Variants in SPAG17 observed in about 807,000 individuals in gnomAD.
SPAG17 encodes the protein sperm-associated antigen 17.
In SPAG17, 169 loss-of-function variants were observed where a neutral mutation model predicts 273.6. The observed-to-expected ratio is 0.62, with a 90% CI of 0.55 to 0.70. The LOEUF is 0.70. SPAG17 is among the 30% of genes least tolerant of loss of function. The pLI is 0.00. For synonymous variants in SPAG17, 825 were observed against 873.2 expected, an observed-to-expected ratio of 0.94 and a Z score of 0.97; for missense variants, 2,557 against 2,627.8, an observed-to-expected ratio of 0.97 and a Z score of 0.59.
chr1:118,151,111 A>G (rs1659352755), intron 2 of SPAG17, 118 bp downstream of exon 2: 3 of 836,904 alleles, frequency 3.6e-6, no homozygotes, highest in Non-Finnish European at 4.9e-6. Context: ...GTTACTTAAA[A>G]TAATCCATCA....
intron 7 of SPAG17, among the ~76,000 whole-genome samples, chr1:118,095,779 A>G (rs1312233890): frequency 6.6e-6 from 1 of 152,152 alleles, no homozygotes; most frequent in Non-Finnish European, 1.5e-5. Flanking sequence ...GTTACTTGGA[A>G]TGCCAATATC....
chr1:117,957,573 G>A (rs552621012), intron 48 of SPAG17, among the ~76,000 whole-genome samples: 19 of 152,340 alleles, frequency 1.2e-4, no homozygotes, highest in African/African-American at 4.3e-4. Flanking sequence ...CTCATTTGTT[G>A]TTTCTTTTAA....
At chr1:118,029,822 G>C (rs867296727) in intron 25 of SPAG17, among the ~76,000 whole-genome samples, 2 of 152,064 alleles carry the variant, frequency 1.3e-5, no homozygotes, top group African/African-American at 4.8e-5. Flanking sequence ...GTCGTCTATT[G>C]TTGAACATTT....
In SPAG17 at chr1:118,171,839, T is replaced by C. The variant is rs1273639058; in HGVS notation, c.87+13232A>G. ...AAATGTTATGATCGTCACAACTTAC[T>C]GTTAAGGAGGAAGAATGGAATAGTG... On this transcript the variant is annotated intron_variant, in intron 1 of 48. Transcript: ENST00000336338. Among the ~76,000 whole-genome samples, 4 of 152,278 alleles carry C rather than the reference T, an allele frequency of 2.6e-5. No homozygotes were observed. The South Asian group carries it at 6.2e-4, about 24-fold the overall frequency.
chr1:118,056,759 C>T (rs896323870), intron 18 of SPAG17, among the ~76,000 whole-genome samples: 1 of 152,068 alleles, frequency 6.6e-6, no homozygotes, highest in Non-Finnish European at 1.5e-5. Context: ...GAGAAATAAA[C>T]CATAAATGTA....
chr1:118,087,969 T>C (rs1655116854), intron 10 of SPAG17, among the ~76,000 whole-genome samples: 1 of 152,194 alleles, frequency 6.6e-6, no homozygotes. Context: ...TAGCCAAATG[T>C]CCTCTGGGAA....
rs144138161 is a variant in SPAG17 at position 118,027,821 on chromosome 1, C to T, written c.3730+453G>A. ...TGATTTTCTTAACCTATTTAATCTA[C>T]ATCTATCTCTATGTACTTTGTGTCC... On this transcript the variant is annotated intron_variant, in intron 26 of 48. Coordinates refer to ENST00000336338, the MANE Select transcript of SPAG17 (RefSeq NM_206996.4). 8.5e-4 allele frequency among the ~76,000 whole-genome samples: 130 copies of T among 152,262 alleles called. 1 individual carries two copies. In the East Asian group the frequency reaches 0.021, roughly 24 times the overall value.
intron 4 of SPAG17, among the ~76,000 whole-genome samples, chr1:118,102,928 T>C (rs1656160513): frequency 6.6e-6 from 1 of 152,188 alleles, no homozygotes; most frequent in Non-Finnish European, 1.5e-5. Context: ...GAGGGGCCCA[T>C]GGCTTCTAGC....
At chr1:118,010,059 A>G (rs1659313977) in intron 30 of SPAG17, among the ~76,000 whole-genome samples, 1 of 152,126 alleles carries the variant, frequency 6.6e-6, no homozygotes, top group Non-Finnish European at 1.5e-5. Context: ...AGTAGAGAGT[A>G]GAATGGTAGT....
intron 48 of SPAG17, chr1:117,955,389 ATC>A (rs1225070639): frequency 6.2e-7 from 1 of 1,604,010 alleles, no homozygotes; most frequent in East Asian, 2.2e-5. Flanking sequence ...AATTTTTGTA[ATC>A]TGTCAGCAAA....
chr1:118,029,172 C>T (rs928493146), intron 25 of SPAG17, among the ~76,000 whole-genome samples: 4 of 152,076 alleles, frequency 2.6e-5, no homozygotes, highest in African/African-American at 4.8e-5. Context: ...ACTGCTTGAG[C>T]CCAGGAGTTT....
At chr1:118,101,590 A>T (rs1023000570) in intron 5 of SPAG17, 150 bp downstream of exon 5, 5 of 692,418 alleles carry the variant, frequency 7.2e-6, no homozygotes, top group Non-Finnish European at 1.2e-5. Context: ...GAGGCAGGAA[A>T]ATTCTAGTGT....
Position 118,012,385 on chromosome 1 carries a change from A to C in SPAG17, c.4288-13T>G, listed in dbSNP as rs1368179388. ...GAGTTGTCATAACCTGAACATGAAG[A>C]GGCAGGACATAATCATTTGGCCACA... On this transcript the variant is annotated splice_polypyrimidine_tract_variant and intron_variant, in intron 29 of 48. Transcript: ENST00000336338. 6.2e-7 allele frequency: 1 copy of C among 1,611,572 alleles called. No homozygotes were observed. The highest frequency in any genetic ancestry group is 1.1e-5 in the South Asian group (1 of 90,470).
intron 17 of SPAG17, among the ~76,000 whole-genome samples, chr1:118,072,549 G>C (rs1323831193): frequency 6.6e-6 from 1 of 152,150 alleles, no homozygotes; most frequent in Non-Finnish European, 1.5e-5. Flanking sequence ...TTACTCAGTA[G>C]TAGAGAATTT....
intron 20 of SPAG17, among the ~76,000 whole-genome samples, chr1:118,049,523 C>A (rs561485100): frequency 6.6e-6 from 1 of 152,206 alleles, no homozygotes; most frequent in South Asian, 2.1e-4. Flanking sequence ...ACTCAAATAT[C>A]CTTTCATAAT....
rs372791514 is a variant in SPAG17 at position 117,987,864 on chromosome 1, T to C, written c.5639A>G (p.Lys1880Arg). Residue 1880 changes from lysine to arginine, a missense_variant, in exon 40 of 49, where the codon AAA becomes AGA. Physicochemically the swap from Lys to Arg is conservative, Grantham distance 26 (BLOSUM62 2). Transcript: ENST00000336338. Reference protein sequence around the residue: ...EKTWRHTASSKRWKEKIDKTR... With the variant: ...EKTWRHTASSRRWKEKIDKTR... Reference sequence around the variant, plus strand: ...TTTGTCTATCTTTTCTTTCCAGCGTTTTGAGGATGCTGTGTGTCTATGTGA... The same window carrying C: ...TTTGTCTATCTTTTCTTTCCAGCGTCTTGAGGATGCTGTGTGTCTATGTGA... 6.2e-7 allele frequency: 1 copy of C among 1,612,186 alleles called. No homozygotes were observed. The highest frequency in any genetic ancestry group is 8.5e-7 in the Non-Finnish European group (1 of 1,178,460).
intron 20 of SPAG17, among the ~76,000 whole-genome samples, chr1:118,047,614 C>T (rs1650512191): frequency 6.6e-6 from 1 of 152,142 alleles, no homozygotes; most frequent in Admixed American, 6.5e-5. Flanking sequence ...TTCAGTCTGG[C>T]TCATGCAGAT....
intron 43 of SPAG17, among the ~76,000 whole-genome samples, chr1:117,979,557 G>A (rs1035370894): frequency 4.0e-5 from 6 of 151,874 alleles, no homozygotes; most frequent in African/African-American, 1.2e-4. Context: ...TCCTTGCCAC[G>A]AGCTGTTATC....
chr1:117,986,100 C>G (rs1656373465), intron 40 of SPAG17, among the ~76,000 whole-genome samples: 1 of 152,202 alleles, frequency 6.6e-6, no homozygotes. Context: ...TTGTAACTGA[C>G]TGGATCTGTG....
Sources: gnomAD v4.1 joint callset for allele counts (sites outside exome capture counted in the v4.1 genomes callset) on GRCh38, gnomAD v4.1.1 for gene constraint, MANE v1.5 for transcripts, NCBI Gene and HGNC (gene_info 2026-07-23, HGNC 2026-07-21) for gene names.